Variants in PDE3B observed in about 807,000 individuals in gnomAD.
PDE3B encodes cGMP-inhibited 3',5'-cyclic phosphodiesterase 3B.
A neutral mutation model predicts 116.8 loss-of-function variants in PDE3B; 66 were observed. The observed-to-expected ratio is 0.56, with a 90% CI of 0.46 to 0.69. PDE3B has a LOEUF of 0.69. Ranked by LOEUF, PDE3B falls within the 30% of genes least tolerant of loss-of-function variation. The pLI is 0.00. For synonymous variants in PDE3B, 595 were observed against 533.6 expected (o/e 1.12, Z -1.59); for missense variants, 1,384 against 1,368.1 (o/e 1.01, Z -0.18).
intron 4 of PDE3B, among the ~76,000 whole-genome samples, chr11:14,791,941 A>G (rs778862736): frequency 7.9e-5 from 12 of 152,120 alleles, no homozygotes; most frequent in Non-Finnish European, 1.2e-4. Context: ...AAGAGTTGTT[A>G]TACTCTATTT....
chr11:14,878,125 G>A, the PDE3B span: 4 of 1,612,812 alleles, frequency 2.5e-6, no homozygotes, highest in Non-Finnish European at 3.4e-6. Context: ...GGCAGTTTCA[G>A]CGTCTTTCAG....
At chr11:14,849,887 G>A (rs1434787965) in intron 12 of PDE3B, among the ~76,000 whole-genome samples, 1 of 151,560 alleles carries the variant, frequency 6.6e-6, no homozygotes, top group Admixed American at 6.6e-5. Flanking sequence ...TACACTGTTG[G>A]TGGGACTGTA....
In PDE3B at chr11:14,644,372, G is replaced by T; in HGVS notation, c.297G>T (p.Glu99Asp). Residue 99 changes from glutamate to aspartate, a missense_variant, in exon 1 of 16, where the codon GAG (glutamate) becomes GAT (aspartate). By Grantham distance (45) the Glu-to-Asp change is conservative. Transcript: ENST00000282096. ...VLALLLGAEPESWAAGAAWLR... is the reference protein window; with the variant it reads ...VLALLLGAEPDSWAAGAAWLR... ...CCCTGCTGCTGGGCGCGGAACCCGA[G>T]AGCTGGGCTGCCGGGGCCGCCTGGC... 6.3e-7 allele frequency: 1 copy of T among 1,599,058 alleles called. No homozygotes were observed.
chr11:14,740,150 T>A (rs932796445), intron 1 of PDE3B, among the ~76,000 whole-genome samples: 3 of 152,212 alleles, frequency 2.0e-5, no homozygotes, highest in African/African-American at 4.8e-5. Flanking sequence ...TTTTTTCTAT[T>A]GATTGGAATA....
At chr11:14,886,039 C>G in the PDE3B span, 17 of 912,176 alleles carry the variant, frequency 1.9e-5, 1 homozygote, top group East Asian at 4.2e-4. Flanking sequence ...AAAATATAGG[C>G]AGTTATTACT....
chr11:14,888,773 ATAAAGTTC>A, the PDE3B span, among the ~76,000 whole-genome samples: 3 of 152,216 alleles, frequency 2.0e-5, no homozygotes, highest in African/African-American at 7.2e-5. Context: ...AGTGCTGTGC[ATAAAGTTC>A]TCAATAAATG....
chr11:14,643,995 G>C lies in PDE3B; in HGVS notation c.-81G>C, dbSNP rs1853273298. Reference sequence around the variant, plus strand: ...GAACCAGGGGGCGCCCCGAACGCGGGGGTTGGGGTCTGGGAGCGCGAGCGG... The same window carrying C: ...GAACCAGGGGGCGCCCCGAACGCGGCGGTTGGGGTCTGGGAGCGCGAGCGG... On this transcript the variant is annotated 5_prime_UTR_variant, in exon 1 of 16. Transcript: ENST00000282096. 1 of 1,379,124 alleles carries C rather than the reference G, an allele frequency of 7.3e-7. No individual in the cohort carries two copies. The highest frequency in any genetic ancestry group is 3.0e-5 in the East Asian group (1 of 33,656). 85.4% of individuals were successfully genotyped at this position (1,379,124 alleles called of 1,614,324 possible).
At chr11:14,783,404 A>G (rs1029444402) in intron 2 of PDE3B, among the ~76,000 whole-genome samples, 11 of 152,242 alleles carry the variant, frequency 7.2e-5, no homozygotes, top group Non-Finnish European at 1.3e-4. Flanking sequence ...AGTGGTACAT[A>G]TACACCATGG....
chr11:14,679,190 T>C (rs1361831142), intron 1 of PDE3B, among the ~76,000 whole-genome samples: 1 of 152,192 alleles, frequency 6.6e-6, no homozygotes, highest in African/African-American at 2.4e-5. Context: ...CTTTTTTTTT[T>C]CAATATTGTT....
chr11:14,813,076 A>C (rs1015141933), intron 5 of PDE3B, among the ~76,000 whole-genome samples: 1 of 152,194 alleles, frequency 6.6e-6, no homozygotes, highest in Non-Finnish European at 1.5e-5. Context: ...TTGATCTTGC[A>C]CTTCCCAGCC....
At chr11:14,687,862 T>A (rs1414555170) in intron 1 of PDE3B, among the ~76,000 whole-genome samples, 1 of 152,188 alleles carries the variant, frequency 6.6e-6, no homozygotes, top group Non-Finnish European at 1.5e-5. Flanking sequence ...GGATGCTAAT[T>A]GGAACTCCTA....
chr11:14,755,281 G>C (rs1174090013), intron 1 of PDE3B, among the ~76,000 whole-genome samples: 1 of 152,118 alleles, frequency 6.6e-6, no homozygotes, highest in Non-Finnish European at 1.5e-5. Flanking sequence ...TAAAATTATA[G>C]TTCTAGCAGC....
chr11:14,847,619 G>C (rs1314067851), intron 12 of PDE3B, among the ~76,000 whole-genome samples: 1 of 151,862 alleles, frequency 6.6e-6, no homozygotes. Context: ...AAAGAGAGAA[G>C]AATCAAATAG....
chr11:14,765,632 G>T (rs1037180617), intron 1 of PDE3B, among the ~76,000 whole-genome samples: 1 of 151,482 alleles, frequency 6.6e-6, no homozygotes, highest in Non-Finnish European at 1.5e-5. Context: ...ATAATTTCTG[G>T]TATTGTATTA....
At chr11:14,898,128 G>A in the PDE3B span, among the ~76,000 whole-genome samples, 13 of 151,532 alleles carry the variant, frequency 8.6e-5, no homozygotes, top group Non-Finnish European at 1.3e-4. Flanking sequence ...CTCTGGGGAG[G>A]ATATTTCAAG....
chr11:14,701,552 AT>A (rs1319574742), intron 1 of PDE3B, among the ~76,000 whole-genome samples: 2 of 151,496 alleles, frequency 1.3e-5, no homozygotes, highest in Non-Finnish European at 3.0e-5. Flanking sequence ...ATTACTCCTA[AT>A]TTTTTCCCCA....
chr11:14,857,397 A>C (rs1163922972), intron 12 of PDE3B, among the ~76,000 whole-genome samples: 1 of 152,200 alleles, frequency 6.6e-6, no homozygotes, highest in Non-Finnish European at 1.5e-5. Flanking sequence ...GTATTCTTCT[A>C]AAGTAGCATT....
Position 14,846,972 on chromosome 11 carries a change from G to T in PDE3B, c.2520+2946G>T, listed in dbSNP as rs947871052. Among the ~76,000 whole-genome samples, 35 of 152,262 alleles carry T rather than the reference G, an allele frequency of 2.3e-4. 1 individual carries two copies. Among genetic ancestry groups the T allele is most frequent in the Middle Eastern group, 3.4e-3 (1 of 294 alleles). On this transcript the variant is annotated intron_variant, in intron 12 of 15. Transcript: ENST00000282096. ...CAAGGATACCCAGGAATTGAACTCA[G>T]CTCTGCACCAAGCGGACCTAATAGA... is the stretch of plus-strand genomic sequence containing the variant.
chr11:14,846,443 A>T (rs867503983), intron 12 of PDE3B, among the ~76,000 whole-genome samples: 45 of 152,364 alleles, frequency 3.0e-4, no homozygotes, highest in African/African-American at 1.0e-3. Context: ...AATGAGCAAA[A>T]TAACTAGCTA....
Sources: allele counts gnomAD v4.1 joint callset (sites outside exome capture counted in the v4.1 genomes callset), GRCh38; gene constraint gnomAD v4.1.1; transcripts MANE v1.5; gene names NCBI Gene and HGNC (gene_info 2026-07-23, HGNC 2026-07-21).